ACOT11: variants seen among roughly 807,000 people sequenced by gnomAD.
The protein encoded by ACOT11 is acyl-CoA thioesterase 11.
A neutral mutation model predicts 77.5 loss-of-function variants in ACOT11; 69 were observed. The ratio of observed to expected loss-of-function variants is 0.89; its 90% confidence interval spans 0.73 to 1.09. ACOT11 has a LOEUF of 1.09. Among genes scored for constraint, ACOT11 ranks in the 50% least tolerant of loss-of-function variants. The probability of loss-of-function intolerance (pLI) is 0.00; values close to 1 mark genes in which losing one functional copy is unlikely to be tolerated. For synonymous variants in ACOT11, 279 were observed against 313.0 expected, an observed-to-expected ratio of 0.89 and a Z score of 1.15; for missense variants, 766 against 813.7, an observed-to-expected ratio of 0.94 and a Z score of 0.71.
chr1:54,605,365 T>A, intron 13 of ACOT11, among the ~76,000 whole-genome samples, 156 bp downstream of exon 13: 1 of 151,868 alleles, frequency 6.6e-6, no homozygotes, highest in East Asian at 1.9e-4. Context: ...GGGTCATGGG[T>A]ATTTTGAGCC....
intron 1 of ACOT11, among the ~76,000 whole-genome samples, chr1:54,560,243 C>T (rs1171379372): frequency 6.6e-6 from 1 of 152,128 alleles, no homozygotes; most frequent in Non-Finnish European, 1.5e-5. Flanking sequence ...CAAGATAGCC[C>T]CTCACCAGCC....
In ACOT11 at chr1:54,599,412, A is replaced by G. The variant is rs1569747743; in HGVS notation, c.881A>G (p.His294Arg). 3 of 1,601,752 alleles carry G rather than the reference A, an allele frequency of 1.9e-6. No homozygotes were observed. Among genetic ancestry groups the G allele is most frequent in the Non-Finnish European group, 2.6e-6 (3 of 1,173,290 alleles). Reference sequence around the variant, plus strand: ...GCCATCGTGAACAATGCCTTCAAACATAGGTGAGGGTCTGGGATGGGTGCG... The same window carrying G: ...GCCATCGTGAACAATGCCTTCAAACGTAGGTGAGGGTCTGGGATGGGTGCG... ...LKAIVNNAFK[H>R]SMEVGVCVEA... The change falls in exon 8 of 16, where the codon CAT (histidine) becomes CGT (arginine). Residue 294 changes from histidine to arginine, a missense_variant. Coordinates refer to ENST00000343744, the MANE Select transcript of ACOT11 (RefSeq NM_147161.4).
chr1:54,627,924 T>G (rs1644280679), intron 15 of ACOT11, among the ~76,000 whole-genome samples: 1 of 131,104 alleles, frequency 7.6e-6, no homozygotes, highest in East Asian at 2.4e-4. Flanking sequence ...AGGTGGGAAA[T>G]GTGGGGAGGC....
At chr1:54,613,639 T>G (rs778814179), downstream of ACOT11, among the ~76,000 whole-genome samples, 39 of 152,194 alleles carry the variant, frequency 2.6e-4, no homozygotes, top group Non-Finnish European at 5.1e-4. Flanking sequence ...TTTTTTTCTT[T>G]GTACTTTTCT....
At chr1:54,632,617 G>A (rs948568461) in intron 16 of ACOT11, among the ~76,000 whole-genome samples, 4 of 152,178 alleles carry the variant, frequency 2.6e-5, no homozygotes, top group Admixed American at 1.3e-4. Flanking sequence ...AAACGAACAG[G>A]AGAATTTGGA....
At chr1:54,633,796 C>T (rs1644314708) in intron 16 of ACOT11, among the ~76,000 whole-genome samples, 1 of 152,210 alleles carries the variant, frequency 6.6e-6, no homozygotes, top group South Asian at 2.1e-4. Context: ...TGTTTTCTAT[C>T]CTTGGAGGAA....
At chr1:54,618,284 A>G (rs895407767) in intron 15 of ACOT11, among the ~76,000 whole-genome samples, 2 of 152,134 alleles carry the variant, frequency 1.3e-5, no homozygotes, top group Non-Finnish European at 1.5e-5. Context: ...AGGGCGGATC[A>G]CTTGAGTTTA....
chr1:54,601,173 A>G (rs919856016), intron 8 of ACOT11, 96 bp from the exon 9 acceptor site: 3 of 1,446,080 alleles, frequency 2.1e-6, no homozygotes, highest in South Asian at 1.3e-5. Flanking sequence ...GTGTGGGCGC[A>G]TGTGTGCATG....
intron 16 of ACOT11, among the ~76,000 whole-genome samples, chr1:54,632,051 A>G (rs529385961): frequency 6.6e-6 from 1 of 152,208 alleles, no homozygotes; most frequent in South Asian, 2.1e-4. Flanking sequence ...GGTCATACTA[A>G]AAAAGAATGT....
At position 54,623,341 on chromosome 1, in the gene ACOT11, T is replaced by C. The variant is rs148879347; in HGVS notation, c.1630-7393T>C. The C allele has an allele frequency of 1.7e-5, 27 of 1,613,762 alleles. No individual in the cohort carries two copies. Among genetic ancestry groups the C allele is most frequent in the Non-Finnish European group, 2.3e-5 (27 of 1,179,968 alleles). On this transcript the variant is annotated intron_variant, in intron 15 of 16. Coordinates refer to the ACOT11 transcript ENST00000371316. ...ATGACCACCACAGACACACAGGTAA[T>C]GCCGGCAAACACCCACTTGACCTGA...
exon 17 of ACOT11, chr1:54,638,644 G>C (rs11206402): frequency 0.49 from 74,301 of 151,918 alleles, 18,970 homozygotes; most frequent in African/African-American, 0.63. Context: ...AGGCATGAGC[G>C]ACTGTGCCTC....
chr1:54,631,590 G>A (rs538001147), intron 16 of ACOT11, among the ~76,000 whole-genome samples: 2 of 152,258 alleles, frequency 1.3e-5, no homozygotes, highest in Admixed American at 1.3e-4. Flanking sequence ...ACCAACTTTC[G>A]GGGGTTGGCG....
chr1:54,624,287 G>A (rs1045742421), intron 15 of ACOT11, among the ~76,000 whole-genome samples: 8 of 151,990 alleles, frequency 5.3e-5, no homozygotes, highest in Non-Finnish European at 7.4e-5. Context: ...AGGCAGAGCC[G>A]GGCAGTTGGT....
chr1:54,562,899 C>T (rs1164358123), intron 1 of ACOT11, among the ~76,000 whole-genome samples: 1 of 139,066 alleles, frequency 7.2e-6, no homozygotes, highest in Non-Finnish European at 1.6e-5. Flanking sequence ...GGCGGCCGGG[C>T]GGAGACGCTC....
chr1:54,625,881 G>A (rs547840072), intron 15 of ACOT11, among the ~76,000 whole-genome samples: 7 of 149,998 alleles, frequency 4.7e-5, no homozygotes, highest in African/African-American at 1.2e-4. Flanking sequence ...GGAGGTTGCG[G>A]TGAGCCGAGA....
intron 1 of ACOT11, among the ~76,000 whole-genome samples, chr1:54,575,409 T>G (rs1313798108): frequency 6.6e-6 from 1 of 151,922 alleles, no homozygotes; most frequent in Non-Finnish European, 1.5e-5. Flanking sequence ...TTTTTACCCT[T>G]GGGGGTGGAG....
chr1:54,605,316 C>A, intron 13 of ACOT11, 107 bp downstream of exon 13: 1 of 1,371,332 alleles, frequency 7.3e-7, no homozygotes, highest in Admixed American at 2.4e-5. Flanking sequence ...CCTGCTGGGG[C>A]TGGGGGTGGG....
chr1:54,574,029 C>CAAAAAAA (rs368096166), intron 1 of ACOT11, among the ~76,000 whole-genome samples: 1 of 87,384 alleles, frequency 1.1e-5, no homozygotes. Flanking sequence ...AACTCCATCT[C>CAAAAAAA]AAAAAAAAAA....
intron 1 of ACOT11, chr1:54,572,895 T>G: frequency 1.0e-6 from 1 of 983,164 alleles, no homozygotes; most frequent in Non-Finnish European, 1.2e-6. Context: ...CCTGTCTAGC[T>G]GAACCTGAGG....
Sources: gnomAD v4.1 joint callset for allele counts (sites outside exome capture counted in the v4.1 genomes callset) on GRCh38, gnomAD v4.1.1 for gene constraint, MANE v1.5 for transcripts, NCBI Gene and HGNC (gene_info 2026-07-23, HGNC 2026-07-21) for gene names.